IL2RB: variants seen among roughly 807,000 people sequenced by gnomAD.
IL2RB encodes interleukin-2 receptor subunit beta.
IL2RB carries 17 observed loss-of-function variants against 44.2 expected under a neutral mutation model. That is an observed-to-expected ratio of 0.38 (90% confidence interval 0.26 to 0.58). IL2RB has a LOEUF of 0.58. Ranked by LOEUF, IL2RB falls within the 20% of genes least tolerant of loss-of-function variation. The pLI is 0.63. For synonymous variants in IL2RB, 286 were observed against 297.9 expected, an observed-to-expected ratio of 0.96 and a Z score of 0.41; for missense variants, 624 against 685.5, an observed-to-expected ratio of 0.91 and a Z score of 1.00.
chr22:37,164,005 T>C (rs1247265935), intron 1 of IL2RB, among the ~76,000 whole-genome samples: 1 of 152,218 alleles, frequency 6.6e-6, no homozygotes, highest in Non-Finnish European at 1.5e-5. Flanking sequence ...CGAAGGTGCT[T>C]TGCTGTTCCC....
rs776537544 is a variant in IL2RB at position 37,136,320 on chromosome 22, T to C, written c.611A>G (p.Tyr204Cys). 2 of 1,613,266 alleles carry C rather than the reference T, an allele frequency of 1.2e-6. No individual in the cohort carries two copies. The highest frequency in any genetic ancestry group is 2.2e-5 in the East Asian group (1 of 44,838). Residue 204 changes from tyrosine (Y) to cysteine (C), a missense_variant, in exon 7 of 10, where the codon TAT (tyrosine) becomes TGT (cysteine). By Grantham distance (194) the Tyr-to-Cys change is radical. Transcript: ENST00000216223. ...AGGCTTGACCCGCACCTGAAACTCA[T>C]ACTGGGTGTCTGGGGTGAGCGTCTC... ...CLETLTPDTQYEFQVRVKPLQ... is the reference protein window; with the variant it reads ...CLETLTPDTQCEFQVRVKPLQ...
intron 1 of IL2RB, among the ~76,000 whole-genome samples, chr22:37,144,612 G>A (rs1337019404): frequency 6.6e-6 from 1 of 152,216 alleles, no homozygotes; most frequent in Admixed American, 6.5e-5. Context: ...GGGCAAGGTG[G>A]TGGGTGCCTG....
chr22:37,130,531 C>A, intron 9 of IL2RB, among the ~76,000 whole-genome samples: 1 of 152,196 alleles, frequency 6.6e-6, no homozygotes, highest in East Asian at 1.9e-4. Context: ...AAAGGTGGGG[C>A]CTGCTTTGCC....
chr22:37,142,784 C>T (rs999852264), intron 3 of IL2RB: 2 of 594,902 alleles, frequency 3.4e-6, no homozygotes, highest in Non-Finnish European at 3.1e-6. Flanking sequence ...GACAGGCAGT[C>T]CTCCCCACCT....
chr22:37,150,086 GCACACACACA>G (rs746303210), upstream of IL2RB: 135 of 138,328 alleles, frequency 9.8e-4, no homozygotes, highest in Middle Eastern at 3.6e-3. Context: ...GCTGGGGGCG[GCACACACACA>G]CACACACACA....
chr22:37,165,678 A>T (rs1038633221), intron 1 of IL2RB, among the ~76,000 whole-genome samples: 21 of 146,318 alleles, frequency 1.4e-4, no homozygotes, highest in South Asian at 2.2e-4. Context: ...GGCTTTTTTT[A>T]AAAATTTAAT....
At chr22:37,138,355 C>T (rs530864843) in intron 5 of IL2RB, among the ~76,000 whole-genome samples, 71 of 152,278 alleles carry the variant, frequency 4.7e-4, no homozygotes, top group African/African-American at 1.6e-3. Context: ...TTCAAAGATG[C>T]CTTACAAGCC....
chr22:37,140,697 C>T (rs1464635954), intron 4 of IL2RB, among the ~76,000 whole-genome samples: 2 of 148,846 alleles, frequency 1.3e-5, no homozygotes, highest in Non-Finnish European at 3.0e-5. Context: ...AGATGTGGTC[C>T]GGGTGTCCTT....
intron 1 of IL2RB, 25 bp from the exon 2 acceptor site, chr22:37,144,230 G>C: frequency 6.5e-7 from 1 of 1,528,030 alleles, no homozygotes; most frequent in Non-Finnish European, 8.8e-7. Context: ...GAAAGAGAGA[G>C]CACACGTAAA....
intron 4 of IL2RB, among the ~76,000 whole-genome samples, chr22:37,140,882 G>C (rs543764195): frequency 2.1e-4 from 32 of 152,158 alleles, no homozygotes; most frequent in Non-Finnish European, 3.8e-4. Context: ...GTGACCTTGG[G>C]CAGAGACCAT....
chr22:37,156,271 T>C (rs1922676835), intron 1 of IL2RB, among the ~76,000 whole-genome samples: 1 of 152,168 alleles, frequency 6.6e-6, no homozygotes, highest in Non-Finnish European at 1.5e-5. Flanking sequence ...CCACCTCAGC[T>C]CACCCGCGTG....
At chr22:37,143,372 C>T (rs1052627821) in intron 3 of IL2RB, 149 bp downstream of exon 3, 5 of 601,916 alleles carry the variant, frequency 8.3e-6, no homozygotes, top group Admixed American at 2.9e-5. Flanking sequence ...TGATTCCAGG[C>T]CTGGGCCCCA....
Position 37,127,813 on chromosome 22 carries a change from C to T in IL2RB, c.*283G>A, listed in dbSNP as rs780198407. ...CTGGAGAGGAGCGATGCTTCTGAGC[C>T]TAAATTCGTGGGATCCTGTGATTAA... On this transcript the variant is annotated 3_prime_UTR_variant, in exon 10 of 10. Transcript: ENST00000216223. The T allele has an allele frequency of 3.9e-4, 119 of 307,538 alleles. No individual in the cohort carries two copies. The highest frequency in any genetic ancestry group is 1.8e-3 in the Middle Eastern group (2 of 1,142). 19.1% of individuals were successfully genotyped at this position (307,538 alleles called of 1,614,324 possible).
At chr22:37,136,508 CA>C in intron 6 of IL2RB, 115 bp from the exon 7 acceptor site, 5 of 1,160,706 alleles carry the variant, frequency 4.3e-6, no homozygotes, top group Non-Finnish European at 6.0e-6. Flanking sequence ...ACTTCCTTGC[CA>C]CCCAAAGCTC....
In IL2RB at chr22:37,128,291, T is replaced by C; in HGVS notation, c.1461A>G (p.Pro487=). 1.3e-6 allele frequency: 2 copies of C among 1,488,734 alleles called. No homozygotes were observed. The highest frequency in any genetic ancestry group is 1.8e-6 in the Non-Finnish European group (2 of 1,118,944). 92.2% of individuals were successfully genotyped at this position (1,488,734 alleles called of 1,614,324 possible). Residue 487 remains proline, a synonymous_variant, in exon 10 of 10, where the codon CCA becomes CCG. Transcript: ENST00000216223. The surrounding 1 kb of genome is among the most constrained non-coding windows in gnomAD (Gnocchi z 4.5). ...CCTCTCGCAGCACCAGCTCAGGGGG[T>C]GGCTGAAAATCCACCAGGTCTGGGA... The part of the protein sequence containing the change: ...PGVPDLVDFQ[P]PPELVLREAG...
At chr22:37,164,268 C>T (rs564605909) in intron 1 of IL2RB, among the ~76,000 whole-genome samples, 7 of 152,192 alleles carry the variant, frequency 4.6e-5, no homozygotes, top group South Asian at 2.1e-4. Context: ...CTAAGCCAGG[C>T]GTCAGGGCCC....
At chr22:37,133,331 C>T (rs554921798) in intron 8 of IL2RB, among the ~76,000 whole-genome samples, 1 of 152,142 alleles carries the variant, frequency 6.6e-6, no homozygotes, top group African/African-American at 2.4e-5. Flanking sequence ...GAATGCTTGT[C>T]TTCTTGGGAG....
intron 1 of IL2RB, among the ~76,000 whole-genome samples, chr22:37,146,011 T>A (rs1922207226): frequency 6.6e-6 from 1 of 152,070 alleles, no homozygotes; most frequent in African/African-American, 2.4e-5. Flanking sequence ...TCACAGGGGA[T>A]GCTCCTGGAC....
At chr22:37,133,634 G>A (rs536575103) in intron 8 of IL2RB, among the ~76,000 whole-genome samples, 79 of 152,288 alleles carry the variant, frequency 5.2e-4, no homozygotes, top group African/African-American at 1.8e-3. Context: ...CCTCCTCACC[G>A]CTTTGCCCTC....
Sources: allele counts gnomAD v4.1 joint callset (sites outside exome capture counted in the v4.1 genomes callset), GRCh38; gene constraint gnomAD v4.1.1; non-coding constraint Gnocchi (gnomAD v3.1); transcripts MANE v1.5; gene names NCBI Gene and HGNC (gene_info 2026-07-23, HGNC 2026-07-21).